Variants in TTLL1 observed in about 807,000 individuals in gnomAD.
TTLL1 encodes polyglutamylase complex subunit TTLL1.
TTLL1 carries 33 observed loss-of-function variants against 47.8 expected under a neutral mutation model. The observed-to-expected ratio is 0.69, with a 90% CI of 0.52 to 0.92. TTLL1 has a LOEUF of 0.92. Among genes scored for constraint, TTLL1 ranks in the 40% least tolerant of loss-of-function variants. The pLI, the probability that TTLL1 is intolerant of heterozygous loss-of-function variation, is 0.00. For synonymous variants in TTLL1, 225 were observed against 214.1 expected (o/e 1.05, Z -0.45); for missense variants, 488 against 547.5 (o/e 0.89, Z 1.08).
At chr22:43,046,279 C>T in intron 10 of TTLL1, 131 bp downstream of exon 10, 1 of 958,908 alleles carries the variant, frequency 1.0e-6, no homozygotes, top group Non-Finnish European at 1.6e-6. Flanking sequence ...TCTATCCCAT[C>T]ATGTCATTAG....
intron 8 of TTLL1, among the ~76,000 whole-genome samples, chr22:43,055,545 G>T (rs150474468): frequency 1.3e-5 from 2 of 152,242 alleles, no homozygotes; most frequent in East Asian, 3.9e-4. Flanking sequence ...TGCCCAGGCT[G>T]GTCTCAAATT....
rs1242806711 is a variant in TTLL1, at chr22:43,064,192, G to A, written c.636C>T (p.Tyr212=). 1 of 1,607,514 alleles carries A rather than the reference G, an allele frequency of 6.2e-7. No homozygotes were observed. The highest frequency in any genetic ancestry group is 1.3e-5 in the African/African-American group (1 of 74,622). The change falls in exon 6 of 11, where the codon TAC becomes TAT. Residue 212 remains tyrosine (Y), a splice_region_variant and synonymous_variant. Transcript: ENST00000266254. ...LVSTYRPLRC[Y]MYKLGFCRFC... is the part of the protein sequence containing the mutation. ...ACCAAAACCTTAGGGACGCTTACAT[G>A]TAACAGCGCAGTGGACGGTACGTGG...
chr22:43,051,748 G>T lies in TTLL1; in HGVS notation c.978+53C>A, dbSNP rs1926638598. ...CTGCTGGGCCCGAATCGGGGCAGAA[G>T]TGTGTTGGGGGCTATGTGTGGTGTG... On this transcript the variant is annotated intron_variant, in intron 9 of 10. Transcript: ENST00000266254. The T allele has an allele frequency of 1.1e-5, 17 of 1,562,172 alleles. No individual in the cohort carries two copies. In the East Asian group the frequency reaches 3.8e-4, roughly 35 times the overall value.
intron 3 of TTLL1, among the ~76,000 whole-genome samples, chr22:43,071,428 G>C (rs13056847): frequency 0.22 from 33,490 of 152,070 alleles, 4,486 homozygotes; most frequent in Middle Eastern, 0.35. Context: ...TTTGTTTTTG[G>C]AGATAGAGTT....
chr22:43,040,075 A>C, intron 10 of TTLL1, 170 bp from the exon 11 acceptor site: 1 of 807,922 alleles, frequency 1.2e-6, no homozygotes, highest in Non-Finnish European at 1.9e-6. Flanking sequence ...GCTCCAGCCC[A>C]CCTGCCTGCC....
chr22:43,071,627 C>T (rs768745687), intron 3 of TTLL1, among the ~76,000 whole-genome samples: 2 of 152,176 alleles, frequency 1.3e-5, no homozygotes, highest in Non-Finnish European at 2.9e-5. Flanking sequence ...CCAGGCTGGT[C>T]TCAAACTCCT....
At chr22:43,053,035 G>A (rs1170025667) in intron 8 of TTLL1, among the ~76,000 whole-genome samples, 1 of 152,108 alleles carries the variant, frequency 6.6e-6, no homozygotes, top group Non-Finnish European at 1.5e-5. Flanking sequence ...ACTCCAGCCT[G>A]GGCAACAAGA....
intron 1 of TTLL1, among the ~76,000 whole-genome samples, chr22:43,080,902 C>CTTTTTCTTTTTTT (rs1928833866): frequency 1.4e-5 from 1 of 69,284 alleles, no homozygotes; most frequent in Non-Finnish European, 2.6e-5. Flanking sequence ...TGTTGCATGA[C>CTTTTTCTTTTTTT]TTTTTTTTTT....
At chr22:43,081,179 G>C (rs1190865446) in intron 1 of TTLL1, among the ~76,000 whole-genome samples, 14 of 152,000 alleles carry the variant, frequency 9.2e-5, no homozygotes, top group Non-Finnish European at 2.1e-4. Flanking sequence ...GCCTCTCAAA[G>C]TGCTGGGATG....
At chr22:43,052,063 G>A (rs1926673002) in intron 8 of TTLL1, 176 bp from the exon 9 acceptor site, 1 of 620,354 alleles carries the variant, frequency 1.6e-6, no homozygotes, top group South Asian at 1.8e-5. Context: ...AGAGCTCAGA[G>A]ATTGGGCACT....
At chr22:43,086,716 A>C (rs1014281127) in intron 1 of TTLL1, among the ~76,000 whole-genome samples, 2 of 151,776 alleles carry the variant, frequency 1.3e-5, no homozygotes, top group South Asian at 4.1e-4. Flanking sequence ...GGTCAGCTCC[A>C]CTCCAGAAGA....
intron 3 of TTLL1, among the ~76,000 whole-genome samples, chr22:43,072,042 T>G (rs1371904730): frequency 6.6e-6 from 1 of 152,214 alleles, no homozygotes; most frequent in Non-Finnish European, 1.5e-5. Context: ...TGATTTTTAC[T>G]GTATTCCACT....
chr22:43,051,990 A>C (rs1926665717), intron 8 of TTLL1, 103 bp from the exon 9 acceptor site: 10 of 1,032,098 alleles, frequency 9.7e-6, no homozygotes, highest in Non-Finnish European at 1.5e-5. Context: ...CCGACCTCCC[A>C]CAGCACAGGT....
intron 1 of TTLL1, among the ~76,000 whole-genome samples, chr22:43,081,088 G>A (rs1310991160): frequency 2.0e-5 from 3 of 151,488 alleles, no homozygotes; most frequent in African/African-American, 7.3e-5. Flanking sequence ...GTTAATTTTT[G>A]TATTTTTAGT....
intron 5 of TTLL1, among the ~76,000 whole-genome samples, chr22:43,064,740 G>A (rs966057003): frequency 4.7e-5 from 7 of 150,040 alleles, no homozygotes; most frequent in East Asian, 4.1e-4. Flanking sequence ...AAATAAATAA[G>A]TAAATAAATA....
intron 5 of TTLL1, among the ~76,000 whole-genome samples, chr22:43,068,064 T>G (rs1403000607): frequency 7.1e-6 from 1 of 140,128 alleles, no homozygotes; most frequent in African/African-American, 2.7e-5. Context: ...TCCACCCACC[T>G]CGGCCTCCCA....
At chr22:43,070,070 A>G in intron 3 of TTLL1, 1 of 1,219,264 alleles carries the variant, frequency 8.2e-7, no homozygotes, top group Non-Finnish European at 1.2e-6. Context: ...GCTGATTCTG[A>G]GCTGTTTCCC....
intron 1 of TTLL1, among the ~76,000 whole-genome samples, chr22:43,087,805 A>G (rs1407944595): frequency 7.6e-6 from 1 of 130,794 alleles, no homozygotes; most frequent in Non-Finnish European, 1.6e-5. Flanking sequence ...ACCACTGCAC[A>G]CTCCAGCCTG....
chr22:43,041,985 A>G (rs1925719419), intron 10 of TTLL1, among the ~76,000 whole-genome samples: 1 of 152,008 alleles, frequency 6.6e-6, no homozygotes, highest in African/African-American at 2.4e-5. Flanking sequence ...CACCCCTGGA[A>G]CTCTGGAATC....
Sources: allele counts gnomAD v4.1 joint callset (sites outside exome capture counted in the v4.1 genomes callset), GRCh38; gene constraint gnomAD v4.1.1; transcripts MANE v1.5; gene names NCBI Gene and HGNC (gene_info 2026-07-23, HGNC 2026-07-21).